The following PRKCA variants were observed in gnomAD, a reference collection of about 807,000 sequenced individuals.
PRKCA encodes the protein protein kinase C alpha.
In PRKCA, 27 loss-of-function variants were observed where a neutral mutation model predicts 87.0. That is an observed-to-expected ratio of 0.31 (90% CI 0.23 to 0.43). PRKCA has a LOEUF of 0.43. PRKCA is among the 20% of genes least tolerant of loss of function. The probability of loss-of-function intolerance (pLI) is 1.00; values close to 1 mark genes in which losing one functional copy is unlikely to be tolerated. For missense variants in PRKCA, 518 were observed against 852.3 expected, an observed-to-expected ratio of 0.61 and a Z score of 4.88; for synonymous variants, 329 against 311.1, an observed-to-expected ratio of 1.06 and a Z score of -0.61.
chr17:66,714,600 G>A (rs561293787), intron 8 of PRKCA, among the ~76,000 whole-genome samples: 1 of 152,206 alleles, frequency 6.6e-6, no homozygotes, highest in African/African-American at 2.4e-5. Flanking sequence ...GATGGCTGTG[G>A]CGAGACTACT....
intron 3 of PRKCA, among the ~76,000 whole-genome samples, chr17:66,530,958 C>T (rs1345291973): frequency 6.6e-6 from 1 of 152,194 alleles, no homozygotes; most frequent in East Asian, 1.9e-4. Context: ...GACAATACTT[C>T]CAATTGCTCC....
intron 13 of PRKCA, among the ~76,000 whole-genome samples, chr17:66,747,048 A>T (rs1280186172): frequency 3.9e-5 from 6 of 152,078 alleles, no homozygotes; most frequent in Admixed American, 3.3e-4. Flanking sequence ...TTTTCATTTT[A>T]TTTATTTTAT....
At chr17:66,618,106 A>G (rs1567934802) in intron 3 of PRKCA, among the ~76,000 whole-genome samples, 1 of 152,102 alleles carries the variant, frequency 6.6e-6, no homozygotes. Context: ...TGTAATCCCA[A>G]CACTTTCGGA....
chr17:66,580,030 CA>C (rs1219768347), intron 3 of PRKCA, among the ~76,000 whole-genome samples: 3 of 152,166 alleles, frequency 2.0e-5, no homozygotes, highest in Admixed American at 6.5e-5. Flanking sequence ...CGGCATCTCT[CA>C]GGGTTCCTCA....
intron 3 of PRKCA, among the ~76,000 whole-genome samples, chr17:66,557,662 T>C (rs1968541092): frequency 6.6e-6 from 1 of 152,216 alleles, no homozygotes; most frequent in Non-Finnish European, 1.5e-5. Context: ...TAAATGCCTT[T>C]TCTAGGATGC....
intron 3 of PRKCA, among the ~76,000 whole-genome samples, chr17:66,591,934 G>A (rs1306017917): frequency 1.3e-5 from 2 of 152,116 alleles, no homozygotes; most frequent in African/African-American, 2.4e-5. Context: ...TGCATCCAGG[G>A]GTTCTAGAAC....
At chr17:66,677,075 T>TTTTATTTATTTATTTATTTATTTGTTTA (rs139887705) in intron 5 of PRKCA, 1 of 144,486 alleles carries the variant, frequency 6.9e-6, no homozygotes, top group African/African-American at 2.6e-5. Context: ...CACAGCTTAT[T>TTTTATTTATTTATTTATTTATTTGTTTA]TTTATTTATT....
At chr17:66,735,037 A>G (rs749318017) in intron 9 of PRKCA, among the ~76,000 whole-genome samples, 27 of 152,240 alleles carry the variant, frequency 1.8e-4, no homozygotes, top group Non-Finnish European at 1.6e-4. Flanking sequence ...TGGGGTCTTC[A>G]GCAATTTGCC....
intron 13 of PRKCA, among the ~76,000 whole-genome samples, chr17:66,768,199 C>T (rs947926089): frequency 1.3e-5 from 2 of 151,820 alleles, no homozygotes; most frequent in Non-Finnish European, 2.9e-5. Context: ...CCGCCTGGGC[C>T]GCCCAAAGTG....
chr17:66,663,082 G>A (rs1002871321), intron 5 of PRKCA, among the ~76,000 whole-genome samples: 1 of 152,184 alleles, frequency 6.6e-6, no homozygotes, highest in African/African-American at 2.4e-5. Flanking sequence ...CTCCTAATCA[G>A]GAATTATGCC....
chr17:66,518,390 C>T (rs1026045866), intron 3 of PRKCA, among the ~76,000 whole-genome samples: 2 of 152,154 alleles, frequency 1.3e-5, no homozygotes, highest in African/African-American at 4.8e-5. Flanking sequence ...TCCTAAGAAA[C>T]TCCTGTTTCG....
chr17:66,700,371 G>GT (rs1973030786), intron 8 of PRKCA, among the ~76,000 whole-genome samples: 1 of 152,170 alleles, frequency 6.6e-6, no homozygotes, highest in Non-Finnish European at 1.5e-5. Context: ...AAAGCTATAA[G>GT]TTCTTTCTTT....
rs562544175 is a variant in PRKCA at position 66,677,788 on chromosome 17, G to A, written c.530-9323G>A. On this transcript the variant is annotated intron_variant, in intron 5 of 16. Transcript: ENST00000413366. ...TGTGAGTATTAAGTGAGTGGGTGTAGTAAAGCACGTGGAAACCTGTCAGTA... is the reference window on the plus strand; with the variant it reads ...TGTGAGTATTAAGTGAGTGGGTGTAATAAAGCACGTGGAAACCTGTCAGTA... Among the ~76,000 whole-genome samples, 48 of 152,354 alleles carry A rather than the reference G, an allele frequency of 3.2e-4. 1 individual carries two copies. The highest frequency in any genetic ancestry group is 1.6e-4 in the Non-Finnish European group (11 of 68,030).
intron 5 of PRKCA, among the ~76,000 whole-genome samples, chr17:66,667,214 A>G (rs950247939): frequency 1.3e-5 from 2 of 152,288 alleles, no homozygotes; most frequent in South Asian, 2.1e-4. Flanking sequence ...AGGAGGTAAA[A>G]TGGCCACCAG....
intron 8 of PRKCA, among the ~76,000 whole-genome samples, chr17:66,708,477 A>G (rs772180173): frequency 3.3e-5 from 5 of 152,150 alleles, no homozygotes; most frequent in Non-Finnish European, 7.3e-5. Flanking sequence ...TCCAAGTGTG[A>G]AACAGCCTTA....
chr17:66,474,811 G>A (rs895808960), intron 2 of PRKCA, among the ~76,000 whole-genome samples: 8 of 152,138 alleles, frequency 5.3e-5, no homozygotes, highest in African/African-American at 1.7e-4. Flanking sequence ...TGTGTGTTGC[G>A]CGTAACCTCG....
At chr17:66,587,895 GTATATATATATATATA>G (rs71160580) in intron 3 of PRKCA, among the ~76,000 whole-genome samples, 3,730 of 85,334 alleles carry the variant, frequency 0.044, 478 homozygotes, top group African/African-American at 0.11. Flanking sequence ...GTGTGTGTGT[GTATATATATATATATA>G]TATATATATA....
intron 2 of PRKCA, among the ~76,000 whole-genome samples, chr17:66,460,450 G>A (rs1396026718): frequency 4.6e-5 from 7 of 152,216 alleles, no homozygotes; most frequent in Admixed American, 1.3e-4. Flanking sequence ...CCTCCTGTAA[G>A]TCCACCCCTT....
intron 2 of PRKCA, among the ~76,000 whole-genome samples, chr17:66,455,958 G>A (rs1914557503): frequency 5.9e-5 from 9 of 152,108 alleles, no homozygotes; most frequent in Admixed American, 5.9e-4. Context: ...GATGTAAATA[G>A]TTAAGGTGGT....
Sources: gnomAD v4.1 joint callset for allele counts (sites outside exome capture counted in the v4.1 genomes callset) on GRCh38, gnomAD v4.1.1 for gene constraint, MANE v1.5 for transcripts, NCBI Gene and HGNC (gene_info 2026-07-23, HGNC 2026-07-21) for gene names.